RPL18: variants seen among roughly 807,000 people sequenced by gnomAD.
The protein encoded by RPL18 is large ribosomal subunit protein eL18.
In RPL18, 4 loss-of-function variants were observed where a neutral mutation model predicts 25.0. That is an observed-to-expected ratio of 0.16 (90% CI 0.08 to 0.37). The LOEUF (loss-of-function observed/expected upper bound fraction) is 0.37, where lower values mean the gene tolerates loss of function less well. RPL18 is among the 10% of genes least tolerant of loss of function. RPL18 has a pLI of 1.00. For missense variants in RPL18, 179 were observed against 267.9 expected (o/e 0.67, Z 2.32); for synonymous variants, 129 against 101.6 (o/e 1.27, Z -1.62).
Position 48,619,163 on chromosome 19 carries a change from C to T in RPL18, c.-20G>A. On this transcript the variant is annotated 5_prime_UTR_variant, in exon 1 of 7. Coordinates refer to ENST00000549920, the MANE Select transcript of RPL18 (RefSeq NM_000979.4). The stretch of plus-strand genomic sequence containing the variant: ...CACCATGATGGCGCCTCCTGCTCGG[C>T]CAGGTCCGGAAAGAGAGAACGGGCT... 1 of 1,592,388 alleles carries T rather than the reference C, an allele frequency of 6.3e-7. No homozygotes were observed. The highest frequency in any genetic ancestry group is 2.3e-5 in the East Asian group (1 of 44,182).
chr19:48,615,550 C>A, intron 6 of RPL18, 103 bp from the exon 7 acceptor site: 1 of 930,274 alleles, frequency 1.1e-6, no homozygotes, highest in South Asian at 1.5e-5. Context: ...CCAGGAGAGT[C>A]AATGCTGCTG....
At position 48,617,329 on chromosome 19, in the gene RPL18, G is replaced by C. The variant is rs17851938; in HGVS notation, c.185C>G (p.Ser62Cys). ...CCAGCCACTCACCATCCGGGAAAGGGACAGAGGCGGCCGGTTGGTGCGACT... is the reference window on the plus strand; with the variant it reads ...CCAGCCACTCACCATCCGGGAAAGGCACAGAGGCGGCCGGTTGGTGCGACT... ...FMSRTNRPPL[S>C]LSRMIRKMKL... is the part of the protein sequence containing the mutation. The change falls in exon 3 of 7, where the codon TCC (serine) becomes TGC (cysteine). Residue 62 changes from serine (S) to cysteine (C), a missense_variant. By Grantham distance (112) the Ser-to-Cys change is moderately radical. Transcript: ENST00000549920. 6.2e-7 allele frequency: 1 copy of C among 1,613,944 alleles called. No homozygotes were observed. The highest frequency in any genetic ancestry group is 8.5e-7 in the Non-Finnish European group (1 of 1,179,794).
chr19:48,618,817 G>A (rs754239103), intron 1 of RPL18: 8 of 439,296 alleles, frequency 1.8e-5, no homozygotes, highest in Non-Finnish European at 3.3e-5. Context: ...GACAGGTCCA[G>A]ATAAAGGCAG....
intron 2 of RPL18, 169 bp from the exon 3 acceptor site, chr19:48,617,592 T>C: frequency 1.4e-6 from 1 of 690,744 alleles, no homozygotes; most frequent in East Asian, 2.7e-5. Flanking sequence ...GCCAAGGACC[T>C]AGAAAATCCT....
intron 4 of RPL18, chr19:48,616,520 CAGA>C (rs905884721): frequency 1.1e-5 from 8 of 704,062 alleles, no homozygotes; most frequent in Middle Eastern, 3.5e-4. Context: ...CAACTTGCCC[CAGA>C]AGAAGCTTGC....
chr19:48,616,888 C>T (rs1452146453), intron 3 of RPL18, 64 bp from the exon 4 acceptor site: 14 of 1,248,400 alleles, frequency 1.1e-5, no homozygotes, highest in Non-Finnish European at 1.6e-5. Context: ...CCGCTTGAGG[C>T]ATCCCCAGGC....
chr19:48,616,086 C>G lies in RPL18; in HGVS notation c.414G>C (p.Leu138=). 1.2e-6 allele frequency: 2 copies of G among 1,614,176 alleles called. No individual in the cohort carries two copies. The highest frequency in any genetic ancestry group is 1.3e-5 in the African/African-American group (1 of 75,062). The change falls in exon 5 of 7, where the codon CTG becomes CTC. Residue 138 remains leucine (L), a synonymous_variant. Transcript: ENST00000549920. Reference sequence around the variant, plus strand: ...CGACCACGTATCACTCACCGGAGAGCAGGACAGTGCCACAGCCCTTAGGGG... The same window carrying G: ...CGACCACGTATCACTCACCGGAGAGGAGGACAGTGCCACAGCCCTTAGGGG... The part of the protein sequence containing the change: ...LDSPKGCGTV[L]LSGPRKGREV...
chr19:48,616,884 G>C lies in RPL18; in HGVS notation c.199-60C>G, dbSNP rs1974192763. On this transcript the variant is annotated intron_variant, in intron 3 of 6. Coordinates refer to ENST00000549920, the MANE Select transcript of RPL18 (RefSeq NM_000979.4). The stretch of plus-strand genomic sequence containing the variant: ...CTGGTGTTTACATTCAGCCCCGCTT[G>C]AGGCATCCCCAGGCCAGGGCAGCTG... The C allele has an allele frequency of 4.6e-6, 6 of 1,312,730 alleles. No homozygotes were observed. In the East Asian group the frequency reaches 1.4e-4, roughly 30 times the overall value. The allele number at this position is 1,312,730 out of a possible 1,614,324, so 81.3% of individuals were successfully genotyped here.
At chr19:48,617,700 C>T in intron 2 of RPL18, 91 bp downstream of exon 2, 1 of 1,014,120 alleles carries the variant, frequency 9.9e-7, no homozygotes, top group South Asian at 1.3e-5. Flanking sequence ...CTGCAGGCCC[C>T]TGGGAGGAGC....
chr19:48,619,148 G>A lies in RPL18; in HGVS notation c.-5C>T, dbSNP rs201867026. ...GCCGCAAAGCGAGCTCACCATGATGGCGCCTCCTGCTCGGCCAGGTCCGGA... is the reference window on the plus strand; with the variant it reads ...GCCGCAAAGCGAGCTCACCATGATGACGCCTCCTGCTCGGCCAGGTCCGGA... On this transcript the variant is annotated 5_prime_UTR_variant, in exon 1 of 7. Transcript: ENST00000549920. 2.5e-5 allele frequency: 39 copies of A among 1,571,910 alleles called. 1 individual carries two copies. In the East Asian group the frequency reaches 4.3e-4, roughly 17 times the overall value.
chr19:48,615,908 T>C lies in RPL18; in HGVS notation c.460A>G (p.Lys154Glu). Reference sequence around the variant, plus strand: ...TGGCTGTGCGGGGTTCCTGGGGCCTTGCCGAAATGCCGGTACACCTCTCGG... The same window carrying C: ...TGGCTGTGCGGGGTTCCTGGGGCCTCGCCGAAATGCCGGTACACCTCTCGG... Reference protein sequence around the residue: ...KGREVYRHFGKAPGTPHSHTK... With the variant: ...KGREVYRHFGEAPGTPHSHTK... Residue 154 changes from lysine (K) to glutamate (E), a missense_variant, in exon 6 of 7, where the codon AAG becomes GAG. Coordinates refer to ENST00000549920, the MANE Select transcript of RPL18 (RefSeq NM_000979.4). 3 of 1,613,338 alleles carry C rather than the reference T, an allele frequency of 1.9e-6. No homozygotes were observed. Among genetic ancestry groups the C allele is most frequent in the Non-Finnish European group, 2.5e-6 (3 of 1,179,714 alleles).
At chr19:48,617,539 A>C in intron 2 of RPL18, 116 bp from the exon 3 acceptor site, 2 of 835,192 alleles carry the variant, frequency 2.4e-6, no homozygotes, top group Non-Finnish European at 3.9e-6. Context: ...CTTTCCCCCA[A>C]CCCACCGACC....
At chr19:48,618,853 G>A (rs755311448) in intron 1 of RPL18, 2 of 524,532 alleles carry the variant, frequency 3.8e-6, no homozygotes, top group East Asian at 3.3e-5. Context: ...AAGAGTGGCT[G>A]CGGGTCCAGC....
intron 1 of RPL18, 78 bp from the exon 2 acceptor site, chr19:48,617,955 G>T: frequency 1.7e-6 from 2 of 1,146,634 alleles, no homozygotes; most frequent in Non-Finnish European, 1.3e-6. Flanking sequence ...GAAACTGAGA[G>T]CTGGGACACA....
At chr19:48,615,685 C>T in intron 6 of RPL18, 192 bp downstream of exon 6, 1 of 654,408 alleles carries the variant, frequency 1.5e-6, no homozygotes, top group Non-Finnish European at 2.7e-6. Context: ...CCAGGAGATG[C>T]CTGCTCAGGC....
At chr19:48,618,736 CCA>C in intron 1 of RPL18, 1 of 250,430 alleles carries the variant, frequency 4.0e-6, no homozygotes, top group Non-Finnish European at 7.9e-6. Context: ...GTCCCCAAAT[CCA>C]GTTATTCGGC....
Position 48,616,755 on chromosome 19 carries a change from C to G in RPL18, c.268G>C (p.Val90Leu). 6.2e-7 allele frequency: 1 copy of G among 1,614,026 alleles called. No homozygotes were observed. Among genetic ancestry groups the G allele is most frequent in the East Asian group, 2.2e-5 (1 of 44,878 alleles). ...AVVVGTITDD[V>L]RVQEVPKLKV... ...AGTTTGGGTACCTCCTGAACCCGCACATCATCAGTTATGGTCCCCACAACC... is the reference window on the plus strand; with the variant it reads ...AGTTTGGGTACCTCCTGAACCCGCAGATCATCAGTTATGGTCCCCACAACC... Residue 90 changes from valine (V) to leucine (L), a missense_variant, in exon 4 of 7, where the codon GTG becomes CTG. Transcript: ENST00000549920.
intron 3 of RPL18, 113 bp downstream of exon 3, chr19:48,617,203 G>C (rs746413432): frequency 2.0e-5 from 18 of 878,514 alleles, no homozygotes; most frequent in South Asian, 9.2e-5. Flanking sequence ...GACTGGCTGA[G>C]ACAAACCCTT....
chr19:48,616,240 C>A (rs755388488), intron 4 of RPL18, 38 bp from the exon 5 acceptor site: 19 of 1,608,494 alleles, frequency 1.2e-5, no homozygotes, highest in Non-Finnish European at 1.6e-5. Flanking sequence ...CAGACCCCTG[C>A]GTGGTCACCC....
Sources: gnomAD v4.1 joint callset for allele counts on GRCh38, gnomAD v4.1.1 for gene constraint, MANE v1.5 for transcripts, NCBI Gene and HGNC (gene_info 2026-07-23, HGNC 2026-07-21) for gene names.